The following MYRIP variants were observed in gnomAD, a reference collection of about 807,000 sequenced individuals.
The protein encoded by MYRIP is myosin VIIA and Rab interacting protein, also known as rab effector MyRIP.
MYRIP carries 49 observed loss-of-function variants against 98.0 expected under a neutral mutation model. The ratio of observed to expected loss-of-function variants is 0.50; its 90% CI spans 0.40 to 0.63. The LOEUF (loss-of-function observed/expected upper bound fraction) is 0.63, where lower values mean the gene tolerates loss of function less well. Among genes scored for constraint, MYRIP ranks in the 30% least tolerant of loss-of-function variants. The pLI, the probability that MYRIP is intolerant of heterozygous loss-of-function variation, is 0.00. For missense variants in MYRIP, 1,004 were observed against 1,058.2 expected (o/e 0.95, Z 0.71); for synonymous variants, 404 against 409.5 (o/e 0.99, Z 0.16).
intron 5 of MYRIP, 53 bp from the exon 6 acceptor site, chr3:40,166,793 G>A (rs528807912): frequency 9.0e-6 from 11 of 1,216,684 alleles, no homozygotes; most frequent in Middle Eastern, 1.9e-4. Context: ...TTGAACAATC[G>A]TTTTACTCAT....
At chr3:39,979,311 G>A (rs1485512792) in intron 2 of MYRIP, among the ~76,000 whole-genome samples, 5 of 152,076 alleles carry the variant, frequency 3.3e-5, no homozygotes, top group African/African-American at 4.8e-5. Context: ...TAATGAGTTT[G>A]TCCCTCTTAG....
intron 11 of MYRIP, 42 bp from the exon 12 acceptor site, chr3:40,233,817 C>T: frequency 1.9e-6 from 3 of 1,551,108 alleles, no homozygotes; most frequent in Non-Finnish European, 2.6e-6. Flanking sequence ...TGTTAATGTG[C>T]TGTTCTTGTC....
intron 9 of MYRIP, among the ~76,000 whole-genome samples, chr3:40,183,539 A>T (rs532093635): frequency 6.6e-6 from 1 of 152,238 alleles, no homozygotes; most frequent in Admixed American, 6.5e-5. Context: ...AGTTGCTTGG[A>T]CCCATCACTG....
At chr3:40,034,782 G>A (rs1223972549) in intron 2 of MYRIP, among the ~76,000 whole-genome samples, 5 of 151,828 alleles carry the variant, frequency 3.3e-5, no homozygotes, top group Admixed American at 6.6e-5. Context: ...ACGTATGTTT[G>A]TTGTGGCACT....
chr3:40,248,447 T>G (rs543232361), intron 13 of MYRIP: 9 of 152,176 alleles, frequency 5.9e-5, no homozygotes, highest in Non-Finnish European at 1.0e-4. Flanking sequence ...TTCTAGCAAA[T>G]GTATAGCTCC....
chr3:39,816,151 G>A (rs947555868), intron 1 of MYRIP, among the ~76,000 whole-genome samples: 3 of 150,428 alleles, frequency 2.0e-5, no homozygotes, highest in Non-Finnish European at 3.0e-5. Flanking sequence ...GTGCAATCTC[G>A]GCTCACTGCA....
At chr3:39,974,823 G>A (rs1012987633) in intron 2 of MYRIP, among the ~76,000 whole-genome samples, 2 of 152,078 alleles carry the variant, frequency 1.3e-5, no homozygotes, top group African/African-American at 4.8e-5. Context: ...AATAGATGCA[G>A]AAAAGGCCTT....
intron 2 of MYRIP, among the ~76,000 whole-genome samples, chr3:39,909,274 A>T (rs9834702): frequency 0.093 from 14,164 of 152,194 alleles, 1,693 homozygotes; most frequent in African/African-American, 0.27. Flanking sequence ...TCACAAGATT[A>T]TTTTTAAAAC....
At chr3:40,055,655 A>G (rs530206709) in intron 3 of MYRIP, among the ~76,000 whole-genome samples, 71 of 152,308 alleles carry the variant, frequency 4.7e-4, no homozygotes, top group African/African-American at 1.5e-3. Flanking sequence ...CAGGCCTTAC[A>G]ACAGATAATC....
At chr3:40,177,184 C>T (rs886553520) in intron 8 of MYRIP, among the ~76,000 whole-genome samples, 1 of 152,168 alleles carries the variant, frequency 6.6e-6, no homozygotes, top group African/African-American at 2.4e-5. Flanking sequence ...AGCTCTCCCA[C>T]CTTTCCTCAA....
chr3:40,254,070 T>C (rs549580819), intron 16 of MYRIP, among the ~76,000 whole-genome samples: 1 of 152,328 alleles, frequency 6.6e-6, no homozygotes, highest in South Asian at 2.1e-4. Context: ...GTAAATAATT[T>C]GCATGAACTC....
intron 3 of MYRIP, among the ~76,000 whole-genome samples, chr3:40,096,001 T>A (rs1442676021): frequency 6.6e-6 from 1 of 151,284 alleles, no homozygotes; most frequent in African/African-American, 2.4e-5. Context: ...TCATGCACAC[T>A]TCCCCCTCAC....
intron 2 of MYRIP, among the ~76,000 whole-genome samples, chr3:39,967,806 G>A (rs1168848918): frequency 6.6e-6 from 1 of 152,090 alleles, no homozygotes; most frequent in African/African-American, 2.4e-5. Flanking sequence ...TCTCACTGCG[G>A]TTTTTATTTG....
chr3:39,852,771 T>A (rs190320767), intron 1 of MYRIP, among the ~76,000 whole-genome samples: 3,077 of 142,140 alleles, frequency 0.022, 102 homozygotes, highest in African/African-American at 0.077. Context: ...TCCTCTTCTC[T>A]TCTCTTCTGT....
At chr3:40,043,954 C>T (rs1947607082) in intron 2 of MYRIP, 96 bp from the exon 3 acceptor site, 1 of 1,162,596 alleles carries the variant, frequency 8.6e-7, no homozygotes. Context: ...GTAGCTTGGC[C>T]TAAGGGAGGG....
intron 9 of MYRIP, among the ~76,000 whole-genome samples, chr3:40,185,093 C>T (rs1000335814): frequency 6.6e-6 from 1 of 152,140 alleles, no homozygotes; most frequent in African/African-American, 2.4e-5. Flanking sequence ...CAAATAGAAG[C>T]GTTCCGAAGG....
intron 1 of MYRIP, among the ~76,000 whole-genome samples, chr3:39,880,254 T>C (rs1283510766): frequency 6.6e-6 from 1 of 152,208 alleles, no homozygotes; most frequent in Non-Finnish European, 1.5e-5. Context: ...TTTTGGCTTC[T>C]CTCTAGTGCC....
intron 1 of MYRIP, among the ~76,000 whole-genome samples, chr3:39,841,229 T>A (rs1170517472): frequency 8.5e-5 from 13 of 152,136 alleles, no homozygotes; most frequent in Non-Finnish European, 1.5e-5. Flanking sequence ...TGATATCTTT[T>A]CTTCTGCTTG....
chr3:39,970,171 GC>G, intron 2 of MYRIP: 1 of 152,122 alleles, frequency 6.6e-6, no homozygotes, highest in South Asian at 2.1e-4. Flanking sequence ...TTTATCTGAA[GC>G]ACAATTATTG....
Sources: gnomAD v4.1 joint callset for allele counts (sites outside exome capture counted in the v4.1 genomes callset) on GRCh38, gnomAD v4.1.1 for gene constraint, MANE v1.5 for transcripts, NCBI Gene and HGNC (gene_info 2026-07-23, HGNC 2026-07-21) for gene names.